APH1B: variants seen among roughly 807,000 people sequenced by gnomAD.
APH1B encodes aph-1B gamma-secretase subunit.
APH1B carries 27 observed loss-of-function variants against 28.2 expected under a neutral mutation model. The observed-to-expected ratio is 0.96, with a 90% CI of 0.70 to 1.32. The LOEUF (loss-of-function observed/expected upper bound fraction) is 1.32, where lower values mean the gene tolerates loss of function less well. Among genes scored for constraint, APH1B ranks in the 40% most tolerant of loss-of-function variants. The pLI is 0.00. For synonymous variants in APH1B, 141 were observed against 124.6 expected, an observed-to-expected ratio of 1.13 and a Z score of -0.88; for missense variants, 305 against 313.6, an observed-to-expected ratio of 0.97 and a Z score of 0.21.
At chr15:63,285,491 C>A (rs534210855) in intron 2 of APH1B, among the ~76,000 whole-genome samples, 1 of 152,264 alleles carries the variant, frequency 6.6e-6, no homozygotes, top group East Asian at 1.9e-4. Context: ...AGAGTTTTCT[C>A]ACCAACAAGA....
intron 2 of APH1B, among the ~76,000 whole-genome samples, chr15:63,286,219 A>G (rs1356051668): frequency 6.6e-6 from 1 of 152,258 alleles, no homozygotes; most frequent in Non-Finnish European, 1.5e-5. Context: ...GGTAGATCCC[A>G]TAGGATATTG....
intron 1 of APH1B, chr15:63,278,187 A>G (rs898904064): frequency 2.5e-6 from 1 of 392,740 alleles, no homozygotes; most frequent in African/African-American, 2.2e-5. Context: ...GCCGATGCCC[A>G]CCCCCACCCC....
intron 5 of APH1B, among the ~76,000 whole-genome samples, chr15:63,303,179 A>G (rs943570065): frequency 6.6e-6 from 1 of 152,190 alleles, no homozygotes; most frequent in African/African-American, 2.4e-5. Flanking sequence ...ATGAATTTTC[A>G]CAGTGTGAAC....
At chr15:63,286,806 T>C (rs2038451886) in intron 3 of APH1B, among the ~76,000 whole-genome samples, 178 bp downstream of exon 3, 1 of 152,234 alleles carries the variant, frequency 6.6e-6, no homozygotes, top group South Asian at 2.1e-4. Context: ...TGAAAATGAT[T>C]GCAAGTGACC....
intron 4 of APH1B, among the ~76,000 whole-genome samples, chr15:63,289,735 G>C (rs766276804): frequency 6.6e-6 from 1 of 152,224 alleles, no homozygotes; most frequent in Non-Finnish European, 1.5e-5. Flanking sequence ...AGGTGTGGTG[G>C]CTCATGCCTG....
intron 2 of APH1B, among the ~76,000 whole-genome samples, chr15:63,284,706 A>G (rs1247825506): frequency 6.6e-6 from 1 of 152,222 alleles, no homozygotes; most frequent in Non-Finnish European, 1.5e-5. Context: ...TTGCTATGCA[A>G]CAGATAACTG....
At chr15:63,289,894 C>A (rs889716546) in intron 4 of APH1B, among the ~76,000 whole-genome samples, 3 of 152,020 alleles carry the variant, frequency 2.0e-5, no homozygotes, top group Non-Finnish European at 2.9e-5. Context: ...GTCCCAGCTA[C>A]TCAGGAGGCC....
In APH1B at chr15:63,300,185, C is replaced by T. The variant is rs570711271; in HGVS notation, c.479-2160C>T. Among the ~76,000 whole-genome samples, 4 of 152,016 alleles carry T rather than the reference C, an allele frequency of 2.6e-5. No individual in the cohort carries two copies. In the South Asian group the frequency reaches 6.2e-4, roughly 24 times the overall value. ...GGGTCAAGAAGCTCTGGTGCCATCTCGAGCCATCTGGTTTCTTTAAGCAGC... is the reference window on the plus strand; with the variant it reads ...GGGTCAAGAAGCTCTGGTGCCATCTTGAGCCATCTGGTTTCTTTAAGCAGC... On this transcript the variant is annotated intron_variant, in intron 4 of 5. Transcript: ENST00000261879.
chr15:63,277,726 C>T lies in APH1B; in HGVS notation c.103C>T (p.Leu35Phe). The T allele has an allele frequency of 1.9e-6, 3 of 1,610,936 alleles. No homozygotes were observed. Among genetic ancestry groups the T allele is most frequent in the Non-Finnish European group, 2.5e-6 (3 of 1,178,582 alleles). The change falls in exon 1 of 6, where the codon CTC becomes TTC. Residue 35 changes from leucine (L) to phenylalanine (F), a missense_variant. Physicochemically the swap from Leu to Phe is conservative, Grantham distance 22 (BLOSUM62 0). Transcript: ENST00000261879. ...IATEPLRIIF[L>F]IAGAFFWLVS... ...CACCGAGCCGTTGCGTATCATCTTC[C>T]TCATCGCCGGGTGAGGCGGTCGCGT...
chr15:63,305,555 T>C, intron 5 of APH1B, 59 bp from the exon 6 acceptor site: 2 of 1,572,862 alleles, frequency 1.3e-6, no homozygotes, highest in Admixed American at 1.7e-5. Flanking sequence ...TCTTTGGTTA[T>C]TCCACATGTT....
At chr15:63,290,977 C>T (rs193190241) in intron 4 of APH1B, among the ~76,000 whole-genome samples, 40 of 152,200 alleles carry the variant, frequency 2.6e-4, no homozygotes, top group Non-Finnish European at 4.7e-4. Flanking sequence ...AGGGAAGAGG[C>T]CTCTTTCCTC....
rs141048049 is a variant in APH1B, at chr15:63,302,440, G to A, written c.574G>A (p.Val192Ile). The change falls in exon 5 of 6, where the codon GTT (valine) becomes ATT (isoleucine). Residue 192 changes from valine (V) to isoleucine (I), a missense_variant. Coordinates refer to ENST00000261879, the MANE Select transcript of APH1B (RefSeq NM_031301.4). ...EKKKWGILLIVLLTHLLVSAQ... is the reference protein window; with the variant it reads ...EKKKWGILLIILLTHLLVSAQ... ...GAAAAAGTGGGGCATCCTCCTTATCGTTCTCCTGACCCACCTGCTGGTGTC... is the reference window on the plus strand; with the variant it reads ...GAAAAAGTGGGGCATCCTCCTTATCATTCTCCTGACCCACCTGCTGGTGTC... 28 of 1,613,742 alleles carry A rather than the reference G, an allele frequency of 1.7e-5. No homozygotes were observed. Among genetic ancestry groups the A allele is most frequent in the Admixed American group, 8.3e-5 (5 of 59,952 alleles).
At chr15:63,278,061 C>T in intron 1 of APH1B, 1 of 390,724 alleles carries the variant, frequency 2.6e-6, no homozygotes, top group Non-Finnish European at 4.8e-6. Context: ...CCTAATTTCC[C>T]TCAGATTCTC....
At chr15:63,279,824 T>G (rs2038366684) in intron 2 of APH1B, among the ~76,000 whole-genome samples, 1 of 151,274 alleles carries the variant, frequency 6.6e-6, no homozygotes, top group South Asian at 2.1e-4. Context: ...GAGACAGAGT[T>G]TTCGCTCCTG....
chr15:63,307,648 A>G lies in APH1B; in HGVS notation c.*1867A>G, dbSNP rs1450840084. 1 of 152,240 alleles carries G rather than the reference A, an allele frequency of 6.6e-6. No individual in the cohort carries two copies. Among genetic ancestry groups the G allele is most frequent in the Non-Finnish European group, 1.5e-5 (1 of 68,034 alleles). 9.4% of individuals were successfully genotyped at this position (152,240 alleles called of 1,614,324 possible). On this transcript the variant is annotated 3_prime_UTR_variant, in exon 6 of 6. Coordinates refer to ENST00000261879, the MANE Select transcript of APH1B (RefSeq NM_031301.4). ...TATCAAAACATGGTCTTCTTTGAAT[A>G]AGAAAAATACATAGTTGGTTATTAT...
At chr15:63,295,958 T>C (rs1365642275) in intron 4 of APH1B, among the ~76,000 whole-genome samples, 2 of 152,192 alleles carry the variant, frequency 1.3e-5, no homozygotes, top group Non-Finnish European at 2.9e-5. Context: ...AGGAGAGTGT[T>C]TCATAATTCT....
At chr15:63,279,446 C>G (rs2038362129) in intron 2 of APH1B, 115 bp downstream of exon 2, 1 of 879,002 alleles carries the variant, frequency 1.1e-6, no homozygotes. Context: ...AGTACTAAGC[C>G]AAGAGATTGG....
intron 4 of APH1B, among the ~76,000 whole-genome samples, chr15:63,299,633 T>C (rs1231233478): frequency 6.6e-6 from 1 of 152,104 alleles, no homozygotes; most frequent in Non-Finnish European, 1.5e-5. Flanking sequence ...CTCGATCTCC[T>C]GACCTCGTGA....
chr15:63,303,826 G>C (rs1040470651), intron 5 of APH1B, among the ~76,000 whole-genome samples: 1 of 151,448 alleles, frequency 6.6e-6, no homozygotes, highest in African/African-American at 2.4e-5. Flanking sequence ...TGGTACTGCT[G>C]TGAACGTTCT....
Sources: allele counts gnomAD v4.1 joint callset (sites outside exome capture counted in the v4.1 genomes callset), GRCh38; gene constraint gnomAD v4.1.1; transcripts MANE v1.5; gene names NCBI Gene and HGNC (gene_info 2026-07-23, HGNC 2026-07-21).